PCDH9: variants seen among roughly 807,000 people sequenced by gnomAD.
PCDH9 encodes protocadherin-9.
In PCDH9, 24 loss-of-function variants were observed where a neutral mutation model predicts 70.6. The observed-to-expected ratio is 0.34, with a 90% CI of 0.25 to 0.48. The LOEUF (loss-of-function observed/expected upper bound fraction) is 0.48. PCDH9 is among the 20% of genes least tolerant of loss of function. The pLI is 0.99. For missense variants in PCDH9, 1,281 were observed against 1,503.6 expected (o/e 0.85, Z 2.45); for synonymous variants, 562 against 558.5 (o/e 1.01, Z -0.09).
At chr13:66,851,759 A>G (rs2081318601) in intron 3 of PCDH9, among the ~76,000 whole-genome samples, 1 of 152,238 alleles carries the variant, frequency 6.6e-6, no homozygotes, top group Non-Finnish European at 1.5e-5. Context: ...TTATAGCACA[A>G]CAAAATGAGA....
intron 3 of PCDH9, among the ~76,000 whole-genome samples, chr13:66,656,736 A>C (rs2077935936): frequency 6.6e-6 from 1 of 152,204 alleles, no homozygotes; most frequent in South Asian, 2.1e-4. Context: ...TCACTAGAGA[A>C]TATTCTGACA....
chr13:67,055,311 A>C (rs1302812096), intron 2 of PCDH9, among the ~76,000 whole-genome samples: 1 of 152,180 alleles, frequency 6.6e-6, no homozygotes, highest in African/African-American at 2.4e-5. Context: ...TATAAATGTG[A>C]AGTTATTTTT....
At chr13:66,824,101 A>G (rs1462521164) in intron 3 of PCDH9, among the ~76,000 whole-genome samples, 2 of 151,886 alleles carry the variant, frequency 1.3e-5, no homozygotes, top group South Asian at 2.1e-4. Context: ...ATCTCAATAA[A>G]GAGCATTTTA....
chr13:66,526,703 C>G (rs1358693931), intron 4 of PCDH9, among the ~76,000 whole-genome samples: 1 of 151,990 alleles, frequency 6.6e-6, no homozygotes, highest in African/African-American at 2.4e-5. Flanking sequence ...GCTAGAGTAA[C>G]AAATATGTGA....
intron 3 of PCDH9, among the ~76,000 whole-genome samples, chr13:66,861,579 A>T (rs1013158445): frequency 2.0e-5 from 3 of 152,160 alleles, no homozygotes; most frequent in Non-Finnish European, 2.9e-5. Flanking sequence ...GTTGTACTTA[A>T]GTTTAATAGA....
intron 3 of PCDH9, among the ~76,000 whole-genome samples, chr13:66,851,057 A>AACGCCTT (rs1289627862): frequency 1.3e-5 from 2 of 152,238 alleles, no homozygotes; most frequent in African/African-American, 4.8e-5. Flanking sequence ...AGGTTCTTCT[A>AACGCCTT]ACGCCTTTTG....
At chr13:67,190,046 C>A (rs2088867578) in intron 2 of PCDH9, among the ~76,000 whole-genome samples, 1 of 151,992 alleles carries the variant, frequency 6.6e-6, no homozygotes, top group African/African-American at 2.4e-5. Flanking sequence ...CAGTTGAAAT[C>A]TTACTTGCCA....
chr13:67,041,117 G>C (rs1221283412), intron 2 of PCDH9, among the ~76,000 whole-genome samples: 1 of 151,990 alleles, frequency 6.6e-6, no homozygotes. Flanking sequence ...GTTGTTAAAA[G>C]GTTCTTTTTC....
intron 4 of PCDH9, among the ~76,000 whole-genome samples, chr13:66,327,866 C>A (rs1281860416): frequency 6.6e-6 from 1 of 152,088 alleles, no homozygotes; most frequent in African/African-American, 2.4e-5. Flanking sequence ...TGTATCTCCC[C>A]AGCTGTGAAA....
chr13:67,129,380 CAT>C (rs1267751220), intron 2 of PCDH9, among the ~76,000 whole-genome samples: 6 of 152,014 alleles, frequency 3.9e-5, no homozygotes, highest in Non-Finnish European at 5.9e-5. Flanking sequence ...GCATGATAGA[CAT>C]GTGCATAAAA....
chr13:66,938,136 T>C (rs1412516087), intron 2 of PCDH9, among the ~76,000 whole-genome samples: 2 of 152,150 alleles, frequency 1.3e-5, no homozygotes, highest in Non-Finnish European at 2.9e-5. Flanking sequence ...TCTTTCAAAC[T>C]AAGAAACCCT....
intron 2 of PCDH9, among the ~76,000 whole-genome samples, chr13:67,091,562 C>T (rs2086219296): frequency 6.6e-6 from 1 of 152,142 alleles, no homozygotes; most frequent in South Asian, 2.1e-4. Flanking sequence ...TTTGAATTGG[C>T]TCAGCATTTC....
intron 4 of PCDH9, among the ~76,000 whole-genome samples, chr13:66,413,583 G>A (rs1957409685): frequency 6.6e-6 from 1 of 152,030 alleles, no homozygotes; most frequent in Non-Finnish European, 1.5e-5. Context: ...CTACTCAGGA[G>A]GCTGAGGTGG....
chr13:66,461,780 T>C (rs998212488), intron 4 of PCDH9, among the ~76,000 whole-genome samples: 1 of 151,920 alleles, frequency 6.6e-6, no homozygotes, highest in Admixed American at 6.6e-5. Context: ...GTACAATATG[T>C]AATTTCCAGG....
Position 66,540,258 on chromosome 13 carries a change from G to A in PCDH9, c.3340+90952C>T, listed in dbSNP as rs998678129. Among the ~76,000 whole-genome samples the A allele has an allele frequency of 3.9e-5, 6 of 152,078 alleles. No homozygotes were observed. In the South Asian group the frequency reaches 1.3e-3, roughly 32 times the overall value. On this transcript the variant is annotated intron_variant, in intron 4 of 4. Transcript: ENST00000377865. ...ATATATTGAATTTTGGGGAAAAAAG[G>A]CAGTTTATACACATTTACATATTCA...
At chr13:66,638,485 A>G (rs2077668971) in intron 3 of PCDH9, among the ~76,000 whole-genome samples, 1 of 152,234 alleles carries the variant, frequency 6.6e-6, no homozygotes, top group African/African-American at 2.4e-5. Flanking sequence ...ATAAAAAATA[A>G]AAGGAATAGA....
intron 4 of PCDH9, among the ~76,000 whole-genome samples, chr13:66,322,305 C>T (rs1255838263): frequency 6.6e-6 from 1 of 151,830 alleles, no homozygotes; most frequent in Admixed American, 6.6e-5. Flanking sequence ...CTATGATCAC[C>T]GTGGTTGGGA....
intron 2 of PCDH9, among the ~76,000 whole-genome samples, chr13:66,951,553 A>T (rs930896550): frequency 6.6e-6 from 1 of 151,892 alleles, no homozygotes; most frequent in Admixed American, 6.6e-5. Context: ...TGATTATTTT[A>T]AATGCTGGGG....
At chr13:67,130,785 T>C (rs1031748682) in intron 2 of PCDH9, among the ~76,000 whole-genome samples, 27 of 151,454 alleles carry the variant, frequency 1.8e-4, no homozygotes, top group African/African-American at 5.6e-4. Flanking sequence ...CTCCCACCGA[T>C]ACCTATAAGT....
Sources: gnomAD v4.1 joint callset for allele counts (sites outside exome capture counted in the v4.1 genomes callset) on GRCh38, gnomAD v4.1.1 for gene constraint, MANE v1.5 for transcripts, NCBI Gene and HGNC (gene_info 2026-07-23, HGNC 2026-07-21) for gene names.